ERI3: variants seen among roughly 807,000 people sequenced by gnomAD.
ERI3 encodes the protein ERI1 exoribonuclease family member 3, also known as ERI1 exoribonuclease 3.
ERI3 carries 18 observed loss-of-function variants against 44.4 expected under a neutral mutation model. That is an observed-to-expected ratio of 0.41 (90% CI 0.28 to 0.60). The LOEUF (loss-of-function observed/expected upper bound fraction) is 0.60, where lower values mean the gene tolerates loss of function less well. Among genes scored for constraint, ERI3 ranks in the 20% least tolerant of loss-of-function variants. The pLI is 0.36. For missense variants in ERI3, 294 were observed against 435.5 expected, an observed-to-expected ratio of 0.68 and a Z score of 2.89; for synonymous variants, 183 against 164.8, an observed-to-expected ratio of 1.11 and a Z score of -0.84.
chr1:44,337,375 G>A (rs1307886717), intron 3 of ERI3, among the ~76,000 whole-genome samples: 2 of 152,186 alleles, frequency 1.3e-5, no homozygotes, highest in Admixed American at 6.5e-5. Context: ...ATTAAGATTT[G>A]GATCCCTAAT....
chr1:44,304,765 C>G (rs955204429), intron 6 of ERI3, among the ~76,000 whole-genome samples: 5 of 152,150 alleles, frequency 3.3e-5, no homozygotes, highest in African/African-American at 1.2e-4. Context: ...GTAATCTGGG[C>G]AAGTATCTTT....
At chr1:44,318,510 T>C (rs1300812240) in intron 4 of ERI3, among the ~76,000 whole-genome samples, 1 of 152,182 alleles carries the variant, frequency 6.6e-6, no homozygotes, top group Non-Finnish European at 1.5e-5. Context: ...CATCATTAGT[T>C]GGAATAACAA....
intron 2 of ERI3, among the ~76,000 whole-genome samples, chr1:44,341,080 G>A (rs924872977): frequency 6.6e-6 from 1 of 152,218 alleles, no homozygotes; most frequent in Non-Finnish European, 1.5e-5. Flanking sequence ...GTTCTACAGT[G>A]TGCACAGAAT....
chr1:44,309,057 AGGC>A, intron 5 of ERI3, among the ~76,000 whole-genome samples: 1 of 152,240 alleles, frequency 6.6e-6, no homozygotes, highest in Admixed American at 6.5e-5. Context: ...AATATTTTGA[AGGC>A]TGAGCTCAAT....
chr1:44,289,278 G>T (rs1017204309), intron 6 of ERI3, among the ~76,000 whole-genome samples: 1 of 152,144 alleles, frequency 6.6e-6, no homozygotes, highest in Non-Finnish European at 1.5e-5. Context: ...CTGCCTGTGG[G>T]CTCTAAACCA....
intron 3 of ERI3, among the ~76,000 whole-genome samples, chr1:44,333,308 A>G (rs545747799): frequency 6.6e-6 from 1 of 152,380 alleles, no homozygotes; most frequent in East Asian, 1.9e-4. Flanking sequence ...TTTCCAGTTT[A>G]GAAGAATAGC....
chr1:44,315,099 C>T (rs1378990762), intron 4 of ERI3, among the ~76,000 whole-genome samples: 1 of 152,218 alleles, frequency 6.6e-6, no homozygotes, highest in Non-Finnish European at 1.5e-5. Context: ...GGAGCTGAGG[C>T]TCAACATCAG....
At position 44,339,334 on chromosome 1, in the gene ERI3, A is replaced by C; in HGVS notation, c.212-12T>G. 7.1e-7 allele frequency: 1 copy of C among 1,407,440 alleles called. No individual in the cohort carries two copies. The highest frequency in any genetic ancestry group is 9.4e-7 in the Non-Finnish European group (1 of 1,066,224). The allele number at this position is 1,407,440 out of a possible 1,614,324, so 87.2% of individuals were successfully genotyped here. A position where few individuals can be genotyped will look rare whatever the true frequency, so the allele number is the denominator to read the frequency against. On this transcript the variant is annotated splice_polypyrimidine_tract_variant and intron_variant, in intron 2 of 8. Coordinates refer to ENST00000372257, the MANE Select transcript of ERI3 (RefSeq NM_024066.3). The stretch of plus-strand genomic sequence containing the variant: ...AGAAGCATCTAAAACTTAGGGGAGG[A>C]AAGTTTAAAAAAAAAAAAAAAAAAG...
chr1:44,242,007 C>A (rs1048749458), intron 8 of ERI3: 1 of 985,708 alleles, frequency 1.0e-6, no homozygotes, highest in African/African-American at 1.7e-5. Context: ...TCTGGGGCTC[C>A]AAGGGGGTCA....
At position 44,308,465 on chromosome 1, in the gene ERI3, A is replaced by T. The variant is rs931325495; in HGVS notation, c.667-64T>A. On this transcript the variant is annotated intron_variant, in intron 5 of 8. Transcript: ENST00000372257. The stretch of plus-strand genomic sequence containing the variant: ...TTTCCCTGAGCCTGTGAAGAGCCAC[A>T]ACAGCAAAACACAGATAAGCTGCTT... The T allele has an allele frequency of 5.0e-5, 62 of 1,234,040 alleles. No individual in the cohort carries two copies. The African/African-American group carries it at 7.7e-4, about 15-fold the overall frequency. The allele number at this position is 1,234,040 out of a possible 1,614,324, so 76.4% of individuals were successfully genotyped here.
At chr1:44,310,568 C>A (rs12026967) in intron 5 of ERI3, among the ~76,000 whole-genome samples, 43,357 of 152,010 alleles carry the variant, frequency 0.29, 7,521 homozygotes, top group East Asian at 0.5. Flanking sequence ...TAGGCCAGAC[C>A]GTGAACGGCC....
intron 8 of ERI3, among the ~76,000 whole-genome samples, chr1:44,238,195 C>G (rs931249577): frequency 4.6e-5 from 7 of 152,138 alleles, no homozygotes; most frequent in African/African-American, 1.7e-4. Flanking sequence ...CCTCCCTCCC[C>G]CACCAGAGCC....
At chr1:44,349,406 C>A (rs1308368224) in intron 2 of ERI3, among the ~76,000 whole-genome samples, 4 of 152,184 alleles carry the variant, frequency 2.6e-5, no homozygotes, top group Admixed American at 2.0e-4. Context: ...GGTGATCCAC[C>A]CGCCTTGACC....
intron 8 of ERI3, among the ~76,000 whole-genome samples, chr1:44,224,300 A>G (rs1368066432): frequency 2.6e-5 from 4 of 152,184 alleles, no homozygotes; most frequent in Admixed American, 2.6e-4. Context: ...TACACCAGTA[A>G]TATGTCTTAA....
At chr1:44,232,816 A>G (rs769502464) in intron 8 of ERI3, among the ~76,000 whole-genome samples, 2 of 152,196 alleles carry the variant, frequency 1.3e-5, no homozygotes, top group Non-Finnish European at 2.9e-5. Flanking sequence ...CTAAAAACGT[A>G]GTCTTTTAAC....
chr1:44,330,327 C>T (rs894365964), intron 3 of ERI3, among the ~76,000 whole-genome samples: 3 of 152,312 alleles, frequency 2.0e-5, no homozygotes, highest in Middle Eastern at 3.4e-3. Context: ...ACTGACTATA[C>T]ACTACAACAG....
Position 44,339,442 on chromosome 1 carries a change from T to C in ERI3, c.212-120A>G, listed in dbSNP as rs961398220. 1.2e-5 allele frequency: 13 copies of C among 1,087,994 alleles called. No homozygotes were observed. The East Asian group carries it at 1.4e-4, about 11-fold the overall frequency. 67.4% of individuals were successfully genotyped at this position (1,087,994 alleles called of 1,614,324 possible). A position where few individuals can be genotyped will look rare whatever the true frequency, so the allele number is the denominator to read the frequency against. ...CCCTGTTCCATCTAGTCTTCAGGAA[T>C]ATCCACGCAACATGGGCCACTCCCC... On this transcript the variant is annotated intron_variant, in intron 2 of 8. Transcript: ENST00000372257.
intron 5 of ERI3, among the ~76,000 whole-genome samples, chr1:44,310,064 G>A (rs989327094): frequency 1.3e-5 from 2 of 152,146 alleles, no homozygotes; most frequent in Non-Finnish European, 2.9e-5. Context: ...GTTGTTCTGA[G>A]AATTAAATGT....
intron 7 of ERI3, among the ~76,000 whole-genome samples, chr1:44,268,361 A>G (rs1645029530): frequency 1.3e-5 from 2 of 152,220 alleles, no homozygotes; most frequent in South Asian, 2.1e-4. Flanking sequence ...AGGGGATGTT[A>G]GCCCGAACAA....
Sources: allele counts gnomAD v4.1 joint callset (sites outside exome capture counted in the v4.1 genomes callset), GRCh38; gene constraint gnomAD v4.1.1; transcripts MANE v1.5; gene names NCBI Gene and HGNC (gene_info 2026-07-23, HGNC 2026-07-21).